The following ALX4 variants were observed in gnomAD, a reference collection of about 807,000 sequenced individuals.
ALX4 encodes homeobox protein aristaless-like 4.
In ALX4, 22 loss-of-function variants were observed where a neutral mutation model predicts 40.6. That is an observed-to-expected ratio of 0.54 (90% CI 0.39 to 0.77). ALX4 has a LOEUF of 0.77. Among genes scored for constraint, ALX4 ranks in the 30% least tolerant of loss-of-function variants. The pLI is 0.00. For synonymous variants in ALX4, 266 were observed against 240.5 expected, an observed-to-expected ratio of 1.11 and a Z score of -0.98; for missense variants, 556 against 564.8, an observed-to-expected ratio of 0.98 and a Z score of 0.16.
rs1564997929 is a variant in ALX4 at position 44,265,240 on chromosome 11, G to T, written c.907-57C>A. On this transcript the variant is annotated intron_variant, in intron 3 of 3. Coordinates refer to ENST00000652299, the MANE Select transcript of ALX4 (RefSeq NM_021926.4). ...GGCGGGCAGGTGTGGTGTGGAAGGG[G>T]CTCGCCCCTTCCCCCAGAGCACCTC... 4 of 1,474,126 alleles carry T rather than the reference G, an allele frequency of 2.7e-6. No individual in the cohort carries two copies. The East Asian group carries it at 7.0e-5, about 26-fold the overall frequency. The allele number at this position is 1,474,126 out of a possible 1,614,324, so 91.3% of individuals were successfully genotyped here.
chr11:44,302,973 G>A (rs1956443471), intron 1 of ALX4, among the ~76,000 whole-genome samples: 1 of 152,100 alleles, frequency 6.6e-6, no homozygotes, highest in Non-Finnish European at 1.5e-5. Flanking sequence ...TTCAGACCCC[G>A]GAGCAGAACA....
chr11:44,275,459 G>A lies in ALX4; in HGVS notation c.666C>T (p.Thr222=), dbSNP rs1956272139. 2 of 1,614,190 alleles carry A rather than the reference G, an allele frequency of 1.2e-6. No homozygotes were observed. Among genetic ancestry groups the A allele is most frequent in the Non-Finnish European group, 1.7e-6 (2 of 1,180,036 alleles). The part of the protein sequence containing the change: ...GKKRRNRTTF[T]SYQLEELEKV... ...TCTCCAGCTCCTCCAGCTGGTAGCT[G>A]GTGAAGGTGGTCCGGTTCCGCCGCT... The change falls in exon 2 of 4, where the codon ACC becomes ACT. Residue 222 remains threonine (T), a synonymous_variant. Transcript: ENST00000652299.
In ALX4 at chr11:44,275,339, C is replaced by T. The variant is rs1353198989; in HGVS notation, c.777+9G>A. On this transcript the variant is annotated intron_variant, in intron 2 of 3. Coordinates refer to ENST00000652299, the MANE Select transcript of ALX4 (RefSeq NM_021926.4). ...TTACCAGCCTCACTCCCAGGTGGCC[C>T]TCACTGACCTGCACGCGGGCCTCAG... 2 of 1,614,058 alleles carry T rather than the reference C, an allele frequency of 1.2e-6. No individual in the cohort carries two copies. The highest frequency in any genetic ancestry group is 1.3e-5 in the African/African-American group (1 of 74,938).
intron 1 of ALX4, 96 bp from the exon 2 acceptor site, chr11:44,275,754 CCT>C: frequency 8.1e-7 from 1 of 1,239,718 alleles, no homozygotes; most frequent in Non-Finnish European, 1.1e-6. Flanking sequence ...GTAGCCACCC[CCT>C]GCCTTTTTCC....
chr11:44,271,423 G>T (rs758221868), intron 2 of ALX4, among the ~76,000 whole-genome samples: 9 of 152,178 alleles, frequency 5.9e-5, no homozygotes, highest in Non-Finnish European at 1.3e-4. Flanking sequence ...TATCAAATGG[G>T]AAGATGGGGT....
chr11:44,296,519 A>G (rs1298438430), intron 1 of ALX4, among the ~76,000 whole-genome samples: 2 of 152,242 alleles, frequency 1.3e-5, no homozygotes, highest in Non-Finnish European at 2.9e-5. Context: ...GAGTGAAAGG[A>G]CAATCCATAG....
chr11:44,290,669 A>G (rs1440956377), intron 1 of ALX4, among the ~76,000 whole-genome samples: 1 of 152,194 alleles, frequency 6.6e-6, no homozygotes, highest in Admixed American at 6.5e-5. Flanking sequence ...AGTTTTCCCC[A>G]TGAAAGAAAT....
chr11:44,299,729 A>G (rs1956424704), intron 1 of ALX4, among the ~76,000 whole-genome samples: 1 of 152,094 alleles, frequency 6.6e-6, no homozygotes, highest in Non-Finnish European at 1.5e-5. Flanking sequence ...GGGTTATCTC[A>G]AGTCTAATCA....
Position 44,264,826 on chromosome 11 carries a change from G to C in ALX4, c.*28C>G. On this transcript the variant is annotated 3_prime_UTR_variant, in exon 4 of 4. Transcript: ENST00000652299. ...ACATGGGCGTGGCCCATGGTGTCCC[G>C]AGGTGGGGACGGGGCAGGGGTGCCC... The C allele has an allele frequency of 6.2e-7, 1 of 1,609,668 alleles. No individual in the cohort carries two copies. The highest frequency in any genetic ancestry group is 8.5e-7 in the Non-Finnish European group (1 of 1,178,162).
Position 44,267,500 on chromosome 11 carries a change from G to T in ALX4, c.900C>A (p.Tyr300Ter). The change falls in exon 3 of 4, where the codon TAC (tyrosine) becomes TAA (stop). Residue 300 changes from tyrosine (Y) to a stop codon, truncating the protein, a stop_gained. Transcript: ENST00000652299. LOFTEE classifies it high-confidence loss of function. ...ELPLLTRAEN[Y>*]AQIQNPSWLG... The stretch of plus-strand genomic sequence containing the variant: ...AGCTCAGGGCGGGACTTACCTGGGC[G>T]TAGTTCTCAGCTCGGGTGAGGAGGG... The T allele has an allele frequency of 6.2e-7, 1 of 1,614,086 alleles. No individual in the cohort carries two copies. Among genetic ancestry groups the T allele is most frequent in the East Asian group, 2.2e-5 (1 of 44,870 alleles).
chr11:44,306,451 G>C (rs1956469103), intron 1 of ALX4, among the ~76,000 whole-genome samples: 3 of 152,218 alleles, frequency 2.0e-5, no homozygotes, highest in African/African-American at 7.2e-5. Flanking sequence ...GCCGGGAGTG[G>C]GCCCAGAAGT....
At chr11:44,282,854 G>C (rs978362792) in intron 1 of ALX4, among the ~76,000 whole-genome samples, 23 of 152,228 alleles carry the variant, frequency 1.5e-4, no homozygotes, top group African/African-American at 5.3e-4. Flanking sequence ...CAAAGGGCTT[G>C]CACTGGTGTG....
intron 1 of ALX4, among the ~76,000 whole-genome samples, chr11:44,306,326 C>G (rs1232232666): frequency 2.0e-5 from 3 of 152,234 alleles, no homozygotes; most frequent in Non-Finnish European, 4.4e-5. Context: ...TTCCGCAACC[C>G]GGTCCAGACC....
At chr11:44,307,785 G>A (rs1168322970) in intron 1 of ALX4, among the ~76,000 whole-genome samples, 2 of 152,142 alleles carry the variant, frequency 1.3e-5, no homozygotes, top group Non-Finnish European at 2.9e-5. Flanking sequence ...AAGAGTGCCT[G>A]TATGAGAGCT....
chr11:44,260,819 G>A lies in ALX4; in HGVS notation c.*4035C>T, dbSNP rs954376190. On this transcript the variant is annotated 3_prime_UTR_variant, in exon 4 of 4. Transcript: ENST00000652299. ...CTAAAGGAAAAGTTGCATTTATACA[G>A]GGTTAAAATATCTTACAATGAGAAC... 3.3e-5 allele frequency: 5 copies of A among 152,036 alleles called. No homozygotes were observed. Among genetic ancestry groups the A allele is most frequent in the African/African-American group, 7.2e-5 (3 of 41,382 alleles). 9.4% of individuals were successfully genotyped at this position (152,036 alleles called of 1,614,324 possible). A position where few individuals can be genotyped will look rare whatever the true frequency, so the allele number is the denominator to read the frequency against.
At chr11:44,280,364 C>T (rs573403502) in intron 1 of ALX4, among the ~76,000 whole-genome samples, 5 of 152,236 alleles carry the variant, frequency 3.3e-5, no homozygotes, top group South Asian at 2.1e-4. Context: ...TAGAGAAGAC[C>T]GCCAGGGAGC....
chr11:44,292,893 T>G (rs1160156718), intron 1 of ALX4, among the ~76,000 whole-genome samples: 1 of 151,656 alleles, frequency 6.6e-6, no homozygotes, highest in African/African-American at 2.4e-5. Flanking sequence ...CTCAGGAGTT[T>G]GAGACCAGCC....
intron 2 of ALX4, 103 bp from the exon 3 acceptor site, chr11:44,267,725 A>G: frequency 6.5e-7 from 1 of 1,546,724 alleles, no homozygotes; most frequent in Non-Finnish European, 8.9e-7. Flanking sequence ...CATCAGTTGC[A>G]GTGCGTTTGG....
chr11:44,309,157 C>CGCAGCCCCGCAGCCCA lies in ALX4; in HGVS notation c.466+439_466+440insTGGGCTGCGGGGCTGC, dbSNP rs1956488079. On this transcript the variant is annotated intron_variant, in intron 1 of 3. Coordinates refer to ENST00000652299, the MANE Select transcript of ALX4 (RefSeq NM_021926.4). ...CGAGGCTTCTGCAGTCCTGCTGTCCCGCAGCCCCGCAGCCCCGCAGCCTCG... is the reference window on the plus strand; with the variant it reads ...CGAGGCTTCTGCAGTCCTGCTGTCCCGCAGCCCCGCAGCCCAGCAGCCCCGCAGCCCCGCAGCCTCG... Among the ~76,000 whole-genome samples, 2 of 116,224 alleles carry CGCAGCCCCGCAGCCCA rather than the reference C, an allele frequency of 1.7e-5. 1 individual carries two copies. The highest frequency in any genetic ancestry group is 3.7e-5 in the Non-Finnish European group (2 of 54,556). 76.2% of individuals were successfully genotyped at this position (116,224 alleles called of 152,430 possible).
Sources: allele counts gnomAD v4.1 joint callset (sites outside exome capture counted in the v4.1 genomes callset), GRCh38; gene constraint gnomAD v4.1.1; transcripts MANE v1.5; gene names NCBI Gene and HGNC (gene_info 2026-07-23, HGNC 2026-07-21).